Variants in CFAP54 observed in about 807,000 individuals in gnomAD.
CFAP54 encodes cilia and flagella associated protein 54, also known as cilia- and flagella-associated protein 54.
In CFAP54, 290 loss-of-function variants were observed where a neutral mutation model predicts 370.4. That is an observed-to-expected ratio of 0.78 (90% CI 0.71 to 0.86). CFAP54 has a LOEUF of 0.86. Among genes scored for constraint, CFAP54 ranks in the 40% least tolerant of loss-of-function variants. The pLI is 0.00. For missense variants in CFAP54, 3,399 were observed against 3,528.7 expected, an observed-to-expected ratio of 0.96 and a Z score of 0.93; for synonymous variants, 1,206 against 1,236.5, an observed-to-expected ratio of 0.98 and a Z score of 0.52.
chr12:96,623,374 G>C (rs1956520710), intron 27 of CFAP54, among the ~76,000 whole-genome samples: 1 of 152,072 alleles, frequency 6.6e-6, no homozygotes, highest in South Asian at 2.1e-4. Flanking sequence ...AGCTCCTTCT[G>C]GGAAAAAGAA....
At chr12:96,684,855 C>A in intron 41 of CFAP54, 120 bp downstream of exon 41, 1 of 972,014 alleles carries the variant, frequency 1.0e-6, no homozygotes, top group Non-Finnish European at 1.6e-6. Flanking sequence ...TACTACATTG[C>A]TACATTTTAT....
At chr12:96,830,831 C>T (rs1187874413) in intron 66 of CFAP54, among the ~76,000 whole-genome samples, 1 of 151,892 alleles carries the variant, frequency 6.6e-6, no homozygotes, top group African/African-American at 2.4e-5. Context: ...GGCAAGCGCC[C>T]CATACCTGGC....
intron 63 of CFAP54, among the ~76,000 whole-genome samples, chr12:96,793,025 T>C (rs1958718964): frequency 6.6e-6 from 1 of 152,100 alleles, no homozygotes; most frequent in South Asian, 2.1e-4. Flanking sequence ...TATTGGGCTA[T>C]TTTTATACTA....
At chr12:96,557,297 CAAT>C (rs749148716) in intron 17 of CFAP54, among the ~76,000 whole-genome samples, 8 of 152,038 alleles carry the variant, frequency 5.3e-5, no homozygotes, top group Non-Finnish European at 1.2e-4. Flanking sequence ...TCCAAAACAT[CAAT>C]AATAAGACAA....
At chr12:96,641,998 CA>C (rs1477671084) in intron 32 of CFAP54, among the ~76,000 whole-genome samples, 6 of 151,326 alleles carry the variant, frequency 4.0e-5, no homozygotes, top group African/African-American at 1.5e-4. Flanking sequence ...TTAATGGGTG[CA>C]GCCCACCAAC....
At chr12:96,638,136 C>G (rs1956680311) in intron 32 of CFAP54, among the ~76,000 whole-genome samples, 1 of 149,020 alleles carries the variant, frequency 6.7e-6, no homozygotes, top group Non-Finnish European at 1.5e-5. Flanking sequence ...TGCTTTGAAT[C>G]CAGAAAACAT....
intron 38 of CFAP54, among the ~76,000 whole-genome samples, chr12:96,659,036 T>G (rs1474522185): frequency 6.6e-6 from 1 of 152,128 alleles, no homozygotes; most frequent in Non-Finnish European, 1.5e-5. Flanking sequence ...TTTCTTTTTT[T>G]GAAACAGAGT....
At position 96,792,314 on chromosome 12, in the gene CFAP54, T is replaced by C; in HGVS notation, c.8680-15T>C. On this transcript the variant is annotated splice_polypyrimidine_tract_variant and intron_variant, in intron 62 of 67. Coordinates refer to ENST00000524981, the MANE Select transcript of CFAP54 (RefSeq NM_001306084.2). ...ATTACCAGTAATTAAACTGATGTTT[T>C]TGTTTGTTCCCTAGTTGTATCGCGA... 6.8e-7 allele frequency: 1 copy of C among 1,473,208 alleles called. No individual in the cohort carries two copies. 91.3% of individuals were successfully genotyped at this position (1,473,208 alleles called of 1,614,324 possible). A position where few individuals can be genotyped will look rare whatever the true frequency, so the allele number is the denominator to read the frequency against.
At chr12:96,673,922 GTC>G (rs1470934854) in intron 39 of CFAP54, among the ~76,000 whole-genome samples, 1 of 152,198 alleles carries the variant, frequency 6.6e-6, no homozygotes, top group Non-Finnish European at 1.5e-5. Context: ...ATTTGGTATA[GTC>G]TCTGTAGGAT....
At position 96,685,031 on chromosome 12, in the gene CFAP54, C is replaced by T; in HGVS notation, c.5807C>T (p.Ala1936Val). Residue 1936 changes from alanine to valine, a missense_variant and splice_region_variant, in exon 42 of 68, where the codon GCT becomes GTT. Ala to Val is a moderately conservative substitution (Grantham distance 64). This residue lies in a region of CFAP54 where 2,796 missense variants were observed against 2,869.7 expected (regional missense o/e 0.97). Coordinates refer to ENST00000524981, the MANE Select transcript of CFAP54 (RefSeq NM_001306084.2). Reference protein sequence around the residue: ...SLLIFAEKKRAAFKCWCQALD... With the variant: ...SLLIFAEKKRVAFKCWCQALD... Reference sequence around the variant, plus strand: ...TTGATGCTTTGTCTCTGTTTTAGGGCTGCTTTTAAGTGTTGGTGTCAAGCT... The same window carrying T: ...TTGATGCTTTGTCTCTGTTTTAGGGTTGCTTTTAAGTGTTGGTGTCAAGCT... 4 of 1,613,708 alleles carry T rather than the reference C, an allele frequency of 2.5e-6. No homozygotes were observed. Among genetic ancestry groups the T allele is most frequent in the Non-Finnish European group, 2.5e-6 (3 of 1,179,844 alleles).
At chr12:96,827,559 G>A (rs111204908) in intron 65 of CFAP54, among the ~76,000 whole-genome samples, 1 of 5,472 alleles carries the variant, frequency 1.8e-4, no homozygotes, top group Non-Finnish European at 2.3e-4. Context: ...ATAGTGTGCA[G>A]TTATATGTGA....
At chr12:96,534,882 T>C (rs1955485193) in intron 11 of CFAP54, among the ~76,000 whole-genome samples, 1 of 152,168 alleles carries the variant, frequency 6.6e-6, no homozygotes, top group South Asian at 2.1e-4. Context: ...CCATATTTTA[T>C]GTGCACTTTA....
intron 36 of CFAP54, among the ~76,000 whole-genome samples, 155 bp from the exon 37 acceptor site, chr12:96,657,727 A>C (rs1956938066): frequency 6.6e-6 from 1 of 152,248 alleles, no homozygotes; most frequent in African/African-American, 2.4e-5. Context: ...ATAATACTGC[A>C]TCAAATTATC....
chr12:96,552,783 G>A (rs895907239), intron 15 of CFAP54, among the ~76,000 whole-genome samples: 5 of 152,172 alleles, frequency 3.3e-5, no homozygotes, highest in Admixed American at 3.3e-4. Flanking sequence ...TGGCATCATT[G>A]CAATTCCCTT....
chr12:96,533,835 A>G lies in CFAP54; in HGVS notation c.1401A>G (p.Thr467=). ...ATGGAATGCTTGATTTTCCAAAAAC[A>G]TCTCTTCTGGAACTTATGATAGGAA... ...GADGMLDFPK[T]SLLELMIGRK... Residue 467 remains threonine, a synonymous_variant, in exon 10 of 68, where the codon ACA becomes ACG. Coordinates refer to ENST00000524981, the MANE Select transcript of CFAP54 (RefSeq NM_001306084.2). 2.0e-6 allele frequency: 3 copies of G among 1,529,796 alleles called. No individual in the cohort carries two copies. The highest frequency in any genetic ancestry group is 1.2e-5 in the South Asian group (1 of 81,722). The allele number at this position is 1,529,796 out of a possible 1,614,324, so 94.8% of individuals were successfully genotyped here.
chr12:96,527,183 C>T, intron 8 of CFAP54, 63 bp from the exon 9 acceptor site: 1 of 1,362,918 alleles, frequency 7.3e-7, no homozygotes, highest in Non-Finnish European at 9.7e-7. Flanking sequence ...AGGCATGAGC[C>T]ACTGCGCCCA....
chr12:96,621,886 T>TTTTTTTG, intron 27 of CFAP54, among the ~76,000 whole-genome samples, 165 bp downstream of exon 27: 1 of 130,004 alleles, frequency 7.7e-6, no homozygotes, highest in Non-Finnish European at 1.6e-5. Context: ...TTTTTTTTTT[T>TTTTTTTG]TTTTTTTTTT....
At position 96,517,332 on chromosome 12, in the gene CFAP54, C is replaced by G. The variant is rs563766117; in HGVS notation, c.799-1596C>G. Among the ~76,000 whole-genome samples the G allele has an allele frequency of 3.3e-5, 5 of 152,218 alleles. No homozygotes were observed. In the East Asian group the frequency reaches 7.7e-4, roughly 24 times the overall value. ...AGTCAAGCTAGGTTACTTTTAAGAT[C>G]TCTTCTGGCACAAAAAACTTTGATT... is the stretch of plus-strand genomic sequence containing the variant. On this transcript the variant is annotated intron_variant, in intron 5 of 67. Coordinates refer to ENST00000524981, the MANE Select transcript of CFAP54 (RefSeq NM_001306084.2).
Position 96,785,593 on chromosome 12 carries a change from C to T in CFAP54, c.8455+703C>T, listed in dbSNP as rs538064814. Among the ~76,000 whole-genome samples, 99 of 152,134 alleles carry T rather than the reference C, an allele frequency of 6.5e-4. 1 individual carries two copies. Among genetic ancestry groups the T allele is most frequent in the African/African-American group, 2.3e-3 (95 of 41,516 alleles). On this transcript the variant is annotated intron_variant, in intron 61 of 67. Transcript: ENST00000524981. Reference sequence around the variant, plus strand: ...ACAAGCCCTCTGAAAGGTGTCAGGACGAAAAGGTTCATGGTGATGGGGGCT... The same window carrying T: ...ACAAGCCCTCTGAAAGGTGTCAGGATGAAAAGGTTCATGGTGATGGGGGCT...
Sources: gnomAD v4.1 joint callset for allele counts (sites outside exome capture counted in the v4.1 genomes callset) on GRCh38, gnomAD v4.1.1 for gene constraint, gnomAD v4.1.1 regional missense constraint, MANE v1.5 for transcripts, NCBI Gene and HGNC (gene_info 2026-07-23, HGNC 2026-07-21) for gene names.